Variants in SHISA9 observed in about 807,000 individuals in gnomAD.
SHISA9 encodes the protein protein shisa-9.
SHISA9 carries 13 observed loss-of-function variants against 38.0 expected under a neutral mutation model. The observed-to-expected ratio is 0.34, with a 90% CI of 0.22 to 0.54. The LOEUF is 0.54. SHISA9 is among the 20% of genes least tolerant of loss of function. The probability of loss-of-function intolerance (pLI) is 0.91; values close to 1 mark genes in which losing one functional copy is unlikely to be tolerated. For synonymous variants in SHISA9, 275 were observed against 242.0 expected (o/e 1.14, Z -1.27); for missense variants, 538 against 575.8 (o/e 0.93, Z 0.67).
the SHISA9 span, among the ~76,000 whole-genome samples, chr16:13,368,664 GA>G: frequency 2.0e-5 from 3 of 147,690 alleles, no homozygotes; most frequent in Admixed American, 6.8e-5. Flanking sequence ...TTGGAGGGTA[GA>G]AAAAAACAGG....
chr16:12,930,876 A>G (rs918588344), intron 2 of SHISA9, among the ~76,000 whole-genome samples: 12 of 152,212 alleles, frequency 7.9e-5, no homozygotes, highest in African/African-American at 2.9e-4. Context: ...ACAACTCCAC[A>G]GATCAATTTC....
the SHISA9 span, among the ~76,000 whole-genome samples, chr16:13,285,130 T>C: frequency 6.6e-6 from 1 of 152,200 alleles, no homozygotes; most frequent in Non-Finnish European, 1.5e-5. Context: ...ATCATGGCTT[T>C]AAAATTTTGT....
chr16:13,396,040 A>T, the SHISA9 span, among the ~76,000 whole-genome samples: 1 of 152,176 alleles, frequency 6.6e-6, no homozygotes, highest in African/African-American at 2.4e-5. Flanking sequence ...AAGTCGTATG[A>T]CTCATACTTT....
intron 2 of SHISA9, among the ~76,000 whole-genome samples, chr16:13,154,023 T>C (rs2050521944): frequency 6.6e-6 from 1 of 152,124 alleles, no homozygotes; most frequent in Non-Finnish European, 1.5e-5. Context: ...CTAGCTTGTG[T>C]CTCTGGTGTT....
the SHISA9 span, among the ~76,000 whole-genome samples, chr16:13,463,292 G>A: frequency 6.6e-6 from 1 of 152,232 alleles, no homozygotes; most frequent in South Asian, 2.1e-4. Flanking sequence ...GGAAAGTGAG[G>A]ATGGGAACTA....
chr16:13,345,021 G>C, the SHISA9 span, among the ~76,000 whole-genome samples: 2 of 152,140 alleles, frequency 1.3e-5, no homozygotes, highest in African/African-American at 4.8e-5. Context: ...CCAACCCAGA[G>C]TAATTTCATA....
intron 2 of SHISA9, among the ~76,000 whole-genome samples, chr16:13,019,249 C>G (rs1296962636): frequency 6.6e-6 from 1 of 152,130 alleles, no homozygotes; most frequent in African/African-American, 2.4e-5. Flanking sequence ...ATCTACCTGC[C>G]TCGGCCTCCC....
At chr16:13,536,300 G>A in the SHISA9 span, among the ~76,000 whole-genome samples, 2 of 151,948 alleles carry the variant, frequency 1.3e-5, no homozygotes, top group Non-Finnish European at 2.9e-5. Flanking sequence ...CCTGGCCTGC[G>A]TTTGTTTTTC....
intron 2 of SHISA9, among the ~76,000 whole-genome samples, chr16:13,122,557 G>A (rs1429029691): frequency 6.6e-6 from 1 of 152,192 alleles, no homozygotes; most frequent in African/African-American, 2.4e-5. Context: ...GATTTGAAGG[G>A]TTGTATAGAG....
At chr16:12,989,201 C>T (rs543144040) in intron 2 of SHISA9, among the ~76,000 whole-genome samples, 49 of 147,298 alleles carry the variant, frequency 3.3e-4, no homozygotes, top group African/African-American at 1.2e-3. Context: ...GCTTTGTTTC[C>T]TTTTAGGCTG....
At chr16:13,376,680 A>G in the SHISA9 span, among the ~76,000 whole-genome samples, 1 of 152,112 alleles carries the variant, frequency 6.6e-6, no homozygotes, top group Non-Finnish European at 1.5e-5. Flanking sequence ...TCTGTAAATT[A>G]TAGGGTGTTT....
chr16:13,284,174 C>T, the SHISA9 span, among the ~76,000 whole-genome samples: 1 of 152,300 alleles, frequency 6.6e-6, no homozygotes, highest in Admixed American at 6.5e-5. Context: ...CTGTTTTCTG[C>T]ATCACACTGG....
chr16:13,281,882 A>T, the SHISA9 span, among the ~76,000 whole-genome samples: 1 of 151,568 alleles, frequency 6.6e-6, no homozygotes, highest in Admixed American at 6.6e-5. Context: ...CAACAGTATA[A>T]TTTCATTACC....
chr16:13,433,688 G>A, the SHISA9 span, among the ~76,000 whole-genome samples: 1 of 152,166 alleles, frequency 6.6e-6, no homozygotes, highest in African/African-American at 2.4e-5. Context: ...GAAAAAGGAG[G>A]CTTTGGGTAA....
intron 2 of SHISA9, among the ~76,000 whole-genome samples, chr16:12,990,599 G>C (rs1420651520): frequency 6.6e-6 from 1 of 152,150 alleles, no homozygotes; most frequent in Non-Finnish European, 1.5e-5. Context: ...CTCAATGCAG[G>C]TTTTGCCTCC....
intron 2 of SHISA9, among the ~76,000 whole-genome samples, chr16:13,202,089 C>T (rs1185290713): frequency 8.8e-6 from 1 of 113,692 alleles, no homozygotes; most frequent in Admixed American, 8.7e-5. Flanking sequence ...ATTTGGGTCT[C>T]GCCTCCTGTC....
At chr16:13,057,096 G>A (rs1027414864) in intron 2 of SHISA9, among the ~76,000 whole-genome samples, 4 of 152,188 alleles carry the variant, frequency 2.6e-5, no homozygotes, top group Non-Finnish European at 5.9e-5. Flanking sequence ...CTATAGGCCC[G>A]CTAGCAGAGG....
At chr16:13,153,677 G>C (rs149631860) in intron 2 of SHISA9, among the ~76,000 whole-genome samples, 1 of 152,242 alleles carries the variant, frequency 6.6e-6, no homozygotes, top group East Asian at 1.9e-4. Context: ...TGGCCCTCCG[G>C]AGGGTATCAA....
At chr16:13,258,696 C>G in the SHISA9 span, among the ~76,000 whole-genome samples, 1 of 152,038 alleles carries the variant, frequency 6.6e-6, no homozygotes, top group African/African-American at 2.4e-5. Context: ...ATGGTGGTAG[C>G]AAGAGAAAAA....
Sources: allele counts gnomAD v4.1 joint callset (sites outside exome capture counted in the v4.1 genomes callset), GRCh38; gene constraint gnomAD v4.1.1; transcripts MANE v1.5; gene names NCBI Gene and HGNC (gene_info 2026-07-23, HGNC 2026-07-21).